Variants in CCDC91 observed in about 807,000 individuals in gnomAD.
CCDC91 encodes the protein coiled-coil domain containing 91, also known as coiled-coil domain-containing protein 91.
Under a neutral mutation model 63.2 loss-of-function variants are expected in CCDC91, and 48 were observed. The observed-to-expected ratio is 0.76, with a 90% confidence interval of 0.60 to 0.97. The LOEUF is 0.97. Among genes scored for constraint, CCDC91 ranks in the 50% least tolerant of loss-of-function variants. The probability of loss-of-function intolerance (pLI) is 0.00; values close to 1 mark genes in which losing one functional copy is unlikely to be tolerated. For synonymous variants in CCDC91, 167 were observed against 165.8 expected, an observed-to-expected ratio of 1.01 and a Z score of -0.06; for missense variants, 500 against 494.6, an observed-to-expected ratio of 1.01 and a Z score of -0.10.
chr12:28,322,562 A>G (rs1234247273), intron 6 of CCDC91, among the ~76,000 whole-genome samples: 1 of 151,724 alleles, frequency 6.6e-6, no homozygotes, highest in Non-Finnish European at 1.5e-5. Flanking sequence ...TAGTATGCGT[A>G]TATTTTCTAT....
chr12:28,350,575 T>C (rs1228442957), intron 6 of CCDC91, among the ~76,000 whole-genome samples: 1 of 152,156 alleles, frequency 6.6e-6, no homozygotes, highest in Non-Finnish European at 1.5e-5. Context: ...AGTACAGTGT[T>C]TGACTTCTAG....
At chr12:28,491,719 G>C (rs1952011031) in intron 12 of CCDC91, among the ~76,000 whole-genome samples, 1 of 151,788 alleles carries the variant, frequency 6.6e-6, no homozygotes, top group Non-Finnish European at 1.5e-5. Flanking sequence ...CTATTTTCTA[G>C]ATTCTTGATA....
intron 3 of CCDC91, among the ~76,000 whole-genome samples, chr12:28,267,750 ACTATATAATT>A (rs1455408785): frequency 6.7e-5 from 4 of 59,694 alleles, no homozygotes; most frequent in Non-Finnish European, 1.4e-4. Flanking sequence ...ATTATATATT[ACTATATAATT>A]ATATATAATT....
At chr12:28,201,099 C>T (rs1942239179) in intron 1 of CCDC91, among the ~76,000 whole-genome samples, 1 of 150,380 alleles carries the variant, frequency 6.6e-6, no homozygotes, top group South Asian at 2.1e-4. Context: ...CCCCTCACCT[C>T]CCGGACGGGG....
intron 3 of CCDC91, among the ~76,000 whole-genome samples, chr12:28,279,577 T>C (rs1222114069): frequency 6.6e-6 from 1 of 152,140 alleles, no homozygotes; most frequent in Non-Finnish European, 1.5e-5. Context: ...GGAGAGTAAA[T>C]GGAAAGCTGC....
At chr12:28,502,240 G>A (rs1055869308) in intron 12 of CCDC91, among the ~76,000 whole-genome samples, 1 of 151,756 alleles carries the variant, frequency 6.6e-6, no homozygotes, top group East Asian at 2.0e-4. Context: ...AAAGTCTCAG[G>A]ATACAAAATC....
intron 3 of CCDC91, among the ~76,000 whole-genome samples, chr12:28,302,220 T>C (rs186264151): frequency 1.7e-4 from 26 of 152,132 alleles, no homozygotes; most frequent in Admixed American, 1.3e-3. Context: ...AGAAATCTTA[T>C]AGTATCTTAA....
chr12:28,246,254 A>G (rs1945723296), intron 1 of CCDC91, among the ~76,000 whole-genome samples: 1 of 152,142 alleles, frequency 6.6e-6, no homozygotes, highest in Non-Finnish European at 1.5e-5. Flanking sequence ...AATGATGAAA[A>G]AATAAATTAA....
At chr12:28,418,597 A>G (rs528185575) in intron 8 of CCDC91, among the ~76,000 whole-genome samples, 9 of 152,268 alleles carry the variant, frequency 5.9e-5, no homozygotes, top group Non-Finnish European at 1.2e-4. Flanking sequence ...AAAAAGCTGA[A>G]TAGTAGCTAT....
At chr12:28,536,452 A>T (rs908533504) in intron 12 of CCDC91, among the ~76,000 whole-genome samples, 1 of 152,228 alleles carries the variant, frequency 6.6e-6, no homozygotes, top group African/African-American at 2.4e-5. Context: ...ATGACCTAGA[A>T]ATATGTTTCA....
intron 1 of CCDC91, 154 bp downstream of exon 1, chr12:28,190,795 G>C (rs1941150416): frequency 6.6e-6 from 1 of 152,234 alleles, no homozygotes; most frequent in Non-Finnish European, 1.5e-5. Flanking sequence ...CAGCGACCAG[G>C]AGTCAGGGGG....
chr12:28,366,622 C>T (rs973648478), intron 7 of CCDC91, among the ~76,000 whole-genome samples: 11 of 152,134 alleles, frequency 7.2e-5, no homozygotes, highest in Admixed American at 2.6e-4. Flanking sequence ...CCCCTTCCTA[C>T]GAGTGTCGGG....
intron 3 of CCDC91, among the ~76,000 whole-genome samples, chr12:28,300,652 T>C: frequency 6.6e-6 from 1 of 151,608 alleles, no homozygotes; most frequent in Non-Finnish European, 1.5e-5. Flanking sequence ...TCTAACTTCA[T>C]TATAAAAAAC....
intron 6 of CCDC91, among the ~76,000 whole-genome samples, chr12:28,343,644 CT>C (rs1361672843): frequency 6.6e-6 from 1 of 152,028 alleles, no homozygotes. Context: ...AGGAATGTTC[CT>C]TTTTCATCTT....
chr12:28,446,842 G>A (rs1369930799), intron 8 of CCDC91, among the ~76,000 whole-genome samples: 5 of 152,100 alleles, frequency 3.3e-5, no homozygotes, highest in Admixed American at 1.3e-4. Flanking sequence ...CTTCAGAAAG[G>A]GAGAATGATG....
intron 12 of CCDC91, among the ~76,000 whole-genome samples, chr12:28,506,857 G>T (rs944904321): frequency 2.4e-4 from 36 of 150,494 alleles, no homozygotes; most frequent in Non-Finnish European, 4.3e-4. Context: ...TGTCCTTCAG[G>T]GGTAAAAAAA....
At chr12:28,348,204 C>T (rs1442015175) in intron 6 of CCDC91, among the ~76,000 whole-genome samples, 1 of 152,214 alleles carries the variant, frequency 6.6e-6, no homozygotes, top group Non-Finnish European at 1.5e-5. Context: ...CCATGTGTAG[C>T]CCTCCAGGGC....
intron 8 of CCDC91, among the ~76,000 whole-genome samples, chr12:28,425,152 A>G (rs1948238283): frequency 6.6e-6 from 1 of 152,044 alleles, no homozygotes; most frequent in Non-Finnish European, 1.5e-5. Flanking sequence ...CAGCCAATAC[A>G]TTGTAGTCTT....
chr12:28,234,661 A>G (rs1284026056), intron 1 of CCDC91, among the ~76,000 whole-genome samples: 2 of 152,178 alleles, frequency 1.3e-5, no homozygotes, highest in Non-Finnish European at 2.9e-5. Flanking sequence ...AATCAAAGGT[A>G]ATGGAGAGCA....
Sources: gnomAD v4.1 joint callset for allele counts (sites outside exome capture counted in the v4.1 genomes callset) on GRCh38, gnomAD v4.1.1 for gene constraint, MANE v1.5 for transcripts, NCBI Gene and HGNC (gene_info 2026-07-23, HGNC 2026-07-21) for gene names.